The following ALPK3 variants were observed in gnomAD, a reference collection of about 807,000 sequenced individuals.
ALPK3 encodes the protein alpha kinase 3, also known as alpha-protein kinase 3.
In ALPK3, 102 loss-of-function variants were observed where a neutral mutation model predicts 140.0. The ratio of observed to expected loss-of-function variants is 0.73; its 90% CI spans 0.62 to 0.86. The LOEUF (loss-of-function observed/expected upper bound fraction) is 0.86. Ranked by LOEUF, ALPK3 falls within the 40% of genes least tolerant of loss-of-function variation. The pLI, the probability that ALPK3 is intolerant of heterozygous loss-of-function variation, is 0.00. For missense variants in ALPK3, 2,254 were observed against 2,208.2 expected, an observed-to-expected ratio of 1.02 and a Z score of -0.42; for synonymous variants, 938 against 898.5, an observed-to-expected ratio of 1.04 and a Z score of -0.79.
rs1241662697 is a variant in ALPK3 at position 84,840,131 on chromosome 15, T to C, written c.852T>C (p.Asn284=). 6 of 1,610,550 alleles carry C rather than the reference T, an allele frequency of 3.7e-6. No individual in the cohort carries two copies. The highest frequency in any genetic ancestry group is 5.1e-6 in the Non-Finnish European group (6 of 1,178,846). The change falls in exon 5 of 14, where the codon AAT becomes AAC. Residue 284 remains asparagine (N), a synonymous_variant. Transcript: ENST00000258888. ...CCAACGGGGAGGCTGCCCCCGAGAATGGAGAGGACGGAGAGCATGGCTTGC... is the reference window on the plus strand; with the variant it reads ...CCAACGGGGAGGCTGCCCCCGAGAACGGAGAGGACGGAGAGCATGGCTTGC... ...VTTNGEAAPE[N]GEDGEHGLLT...
Position 84,856,768 on chromosome 15 carries a change from G to C in ALPK3, c.2030G>C (p.Gly677Ala). ...AETQLETTQAGEKIQEDRKAQ... is the reference protein window; with the variant it reads ...AETQLETTQAAEKIQEDRKAQ... ...ACACAGCTAGAAACAACACAGGCAG[G>C]TGAGAAGATACAGGAAGACAGGAAG... The change falls in exon 6 of 14, where the codon GGT (glycine) becomes GCT (alanine). Residue 677 changes from glycine to alanine, a missense_variant. Gly to Ala is a moderately conservative substitution (Grantham distance 60). Coordinates refer to ENST00000258888, the MANE Select transcript of ALPK3 (RefSeq NM_020778.5). The C allele has an allele frequency of 1.2e-6, 2 of 1,614,112 alleles. No individual in the cohort carries two copies. Among genetic ancestry groups the C allele is most frequent in the Non-Finnish European group, 1.7e-6 (2 of 1,180,032 alleles).
chr15:84,836,079 C>G (rs1963594294), intron 3 of ALPK3, among the ~76,000 whole-genome samples: 1 of 152,234 alleles, frequency 6.6e-6, no homozygotes, highest in Non-Finnish European at 1.5e-5. Context: ...GCCTGGGAGA[C>G]AGCATTGCTG....
chr15:84,864,308 T>A, intron 11 of ALPK3, 134 bp from the exon 12 acceptor site: 1 of 916,384 alleles, frequency 1.1e-6, no homozygotes, highest in Non-Finnish European at 1.6e-6. Flanking sequence ...TCCTTTGCTG[T>A]CCTTTGGGCT....
At chr15:84,854,780 G>A (rs1963841874) in intron 5 of ALPK3, among the ~76,000 whole-genome samples, 1 of 152,150 alleles carries the variant, frequency 6.6e-6, no homozygotes, top group Non-Finnish European at 1.5e-5. Flanking sequence ...TGTTGTTTCT[G>A]TATCGTCAGG....
chr15:84,862,972 C>T, intron 10 of ALPK3, 57 bp downstream of exon 10: 1 of 1,574,184 alleles, frequency 6.4e-7, no homozygotes, highest in Non-Finnish European at 8.6e-7. Flanking sequence ...CTCCCCTTTC[C>T]CAGCCCAGGT....
chr15:84,863,787 T>A, intron 11 of ALPK3, 147 bp downstream of exon 11: 1 of 735,756 alleles, frequency 1.4e-6, no homozygotes, highest in Non-Finnish European at 2.1e-6. Context: ...CTCAGTGGCC[T>A]CACAAAATGT....
intron 3 of ALPK3, among the ~76,000 whole-genome samples, chr15:84,828,712 C>T (rs548301344): frequency 6.6e-5 from 10 of 152,218 alleles, no homozygotes; most frequent in African/African-American, 9.6e-5. Context: ...TGGTGAATTT[C>T]GCAAGTTGTC....
chr15:84,838,284 A>G (rs1342228466), intron 3 of ALPK3, among the ~76,000 whole-genome samples: 1 of 152,150 alleles, frequency 6.6e-6, no homozygotes, highest in East Asian at 1.9e-4. Flanking sequence ...ATAAGGGAGG[A>G]GACCCCTGAG....
intron 3 of ALPK3, 79 bp from the exon 4 acceptor site, chr15:84,838,901 C>T (rs565878629): frequency 2.4e-5 from 30 of 1,246,010 alleles, no homozygotes; most frequent in Admixed American, 1.0e-4. Context: ...GGATTACAGG[C>T]GTGAGCCACC....
rs202153052 is a variant in ALPK3, at chr15:84,857,274, G to T, written c.2536G>T (p.Gly846Ter). ...FQCPKEERPG[G>*]VPCMDQGGCP... ...GTGCCCCAAGGAGGAGCGGCCAGGG[G>T]GAGTGCCGTGTATGGATCAGGGTGG... The change falls in exon 6 of 14, where the codon GGA becomes TGA. Residue 846 changes from glycine (G) to a stop codon, truncating the protein, a stop_gained. Transcript: ENST00000258888. LOFTEE classifies it high-confidence loss of function. 5 of 1,614,090 alleles carry T rather than the reference G, an allele frequency of 3.1e-6. No individual in the cohort carries two copies. Among genetic ancestry groups the T allele is most frequent in the Non-Finnish European group, 4.2e-6 (5 of 1,179,976 alleles).
intron 5 of ALPK3, among the ~76,000 whole-genome samples, chr15:84,846,400 G>A (rs182517): frequency 0.2 from 29,968 of 152,200 alleles, 3,720 homozygotes; most frequent in Middle Eastern, 0.34. Context: ...AAAATCATCT[G>A]ACTTTACTAT....
At chr15:84,851,255 G>A (rs1269682574) in intron 5 of ALPK3, among the ~76,000 whole-genome samples, 1 of 152,112 alleles carries the variant, frequency 6.6e-6, no homozygotes, top group African/African-American at 2.4e-5. Context: ...AGGTGAGAAT[G>A]TCTGGTACAG....
At chr15:84,839,161 C>T (rs1209049986) in intron 4 of ALPK3, 64 bp downstream of exon 4, 56 of 1,387,552 alleles carry the variant, frequency 4.0e-5, no homozygotes, top group Non-Finnish European at 5.4e-5. Context: ...TGGGGTCCTG[C>T]CCTCAGAAAT....
chr15:84,852,928 T>C (rs1477458570), intron 5 of ALPK3, among the ~76,000 whole-genome samples: 4 of 152,210 alleles, frequency 2.6e-5, no homozygotes, highest in Non-Finnish European at 5.9e-5. Context: ...TAGGAGGCTT[T>C]ACAGTAGTCC....
chr15:84,862,460 C>A (rs1963957918), intron 9 of ALPK3, among the ~76,000 whole-genome samples, 175 bp from the exon 10 acceptor site: 1 of 152,038 alleles, frequency 6.6e-6, no homozygotes, highest in African/African-American at 2.4e-5. Flanking sequence ...GTTTCTGCCC[C>A]AAGGAGCTCA....
intron 6 of ALPK3, 95 bp downstream of exon 6, chr15:84,858,650 G>C: frequency 6.9e-7 from 1 of 1,444,912 alleles, no homozygotes; most frequent in Non-Finnish European, 9.1e-7. Context: ...ATGACAGATA[G>C]CATATCCCTC....
Position 84,839,735 on chromosome 15 carries a change from C to T in ALPK3, c.456C>T (p.Ala152=). Residue 152 remains alanine, a synonymous_variant, in exon 5 of 14, where the codon GCC becomes GCT. Transcript: ENST00000258888. The part of the protein sequence containing the change: ...CREEDAAIYQ[A]SAQNSKGIVS... ...AAGAAGATGCCGCCATCTACCAGGCCTCTGCCCAGAACAGCAAGGGCATTG... is the reference window on the plus strand; with the variant it reads ...AAGAAGATGCCGCCATCTACCAGGCTTCTGCCCAGAACAGCAAGGGCATTG... 1.9e-6 allele frequency: 3 copies of T among 1,612,848 alleles called. No individual in the cohort carries two copies. Among genetic ancestry groups the T allele is most frequent in the Non-Finnish European group, 2.5e-6 (3 of 1,179,124 alleles).
intron 5 of ALPK3, among the ~76,000 whole-genome samples, chr15:84,850,568 T>C (rs76844240): frequency 1.3e-5 from 2 of 151,930 alleles, no homozygotes; most frequent in African/African-American, 4.8e-5. Flanking sequence ...GTTTTTTTTT[T>C]GTAGAGACAG....
At chr15:84,862,579 C>T (rs562879190) in intron 9 of ALPK3, 56 bp from the exon 10 acceptor site, 22 of 1,540,634 alleles carry the variant, frequency 1.4e-5, no homozygotes, top group Non-Finnish European at 1.9e-5. Context: ...CCTGTGAGCC[C>T]CACATTGGTG....
Sources: allele counts gnomAD v4.1 joint callset (sites outside exome capture counted in the v4.1 genomes callset), GRCh38; gene constraint gnomAD v4.1.1; transcripts MANE v1.5; gene names NCBI Gene and HGNC (gene_info 2026-07-23, HGNC 2026-07-21).